Variants in MACF1 observed in about 807,000 individuals in gnomAD.
MACF1 encodes the protein microtubule-actin cross-linking factor 1.
Under a neutral mutation model 854.8 loss-of-function variants are expected in MACF1, and 193 were observed. The observed-to-expected ratio is 0.23, with a 90% CI of 0.20 to 0.25. The LOEUF is 0.25. Among genes scored for constraint, MACF1 ranks in the 10% least tolerant of loss-of-function variants. MACF1 has a pLI of 1.00. For missense variants in MACF1, 7,722 were observed against 8,929.1 expected (o/e 0.86, Z 5.45); for synonymous variants, 3,185 against 3,226.7 (o/e 0.99, Z 0.44).
intron 55 of MACF1, among the ~76,000 whole-genome samples, chr1:39,380,802 C>T (rs1026176832): frequency 4.6e-5 from 7 of 152,056 alleles, no homozygotes; most frequent in African/African-American, 1.7e-4. Context: ...GTCCTAGCTA[C>T]TGGGGAGGCT....
At position 39,205,156 on chromosome 1, in the gene MACF1, C is replaced by A. The variant is rs1328266051; in HGVS notation, c.109+25C>A. On this transcript the variant is annotated intron_variant, in intron 1 of 100. Coordinates refer to ENST00000564288, the MANE Select transcript of MACF1 (RefSeq NM_001394062.1). Reference sequence around the variant, plus strand: ...GGTAACTAACTGGTACCCAGTTATTCTTTAAATCTACTGTGGGGCTTTTGA... The same window carrying A: ...GGTAACTAACTGGTACCCAGTTATTATTTAAATCTACTGTGGGGCTTTTGA... 4 of 702,702 alleles carry A rather than the reference C, an allele frequency of 5.7e-6. No individual in the cohort carries two copies. The African/African-American group carries it at 7.0e-5, about 12-fold the overall frequency. 43.5% of individuals were successfully genotyped at this position (702,702 alleles called of 1,614,324 possible). A position where few individuals can be genotyped will look rare whatever the true frequency, so the allele number is the denominator to read the frequency against.
intron 49 of MACF1, among the ~76,000 whole-genome samples, chr1:39,363,346 T>A (rs1648370881): frequency 6.6e-6 from 1 of 152,214 alleles, no homozygotes; most frequent in South Asian, 2.1e-4. Context: ...CATCCCATTT[T>A]CACCCATCCC....
rs773763271 is a variant in MACF1 at position 39,176,109 on chromosome 1, C to CAAAAAAAAAAAAAAA, written c.221-55069_221-55055dup. ...TGGGCGACAGAGCGAGACTCCTTCTCAAAAAAAAAAAAAAAAAAGCCAGGT... is the reference window on the plus strand; with the variant it reads ...TGGGCGACAGAGCGAGACTCCTTCTCAAAAAAAAAAAAAAAAAAAAAAAAAAAAAAAAAGCCAGGT... On this transcript the variant is annotated intron_variant, in intron 2 of 93. Coordinates refer to the MACF1 transcript ENST00000361689. Among the ~76,000 whole-genome samples, 15 of 13,338 alleles carry CAAAAAAAAAAAAAAA rather than the reference C, an allele frequency of 1.1e-3. 1 individual carries two copies. Among genetic ancestry groups the CAAAAAAAAAAAAAAA allele is most frequent in the African/African-American group, 1.3e-3 (11 of 8,544 alleles). 8.8% of individuals were successfully genotyped at this position (13,338 alleles called of 152,430 possible). A position where few individuals can be genotyped will look rare whatever the true frequency, so the allele number is the denominator to read the frequency against.
chr1:39,254,597 GAGA>G (rs1167732357), intron 5 of MACF1: 2 of 478,166 alleles, frequency 4.2e-6, no homozygotes, highest in Non-Finnish European at 7.4e-6. Context: ...AATGTTCACG[GAGA>G]AGAACATGAT....
At chr1:39,300,438 A>G (rs1646015424) in intron 22 of MACF1, 76 bp downstream of exon 22, 18 of 1,384,266 alleles carry the variant, frequency 1.3e-5, no homozygotes, top group Non-Finnish European at 1.7e-5. Context: ...TAGGGTTATG[A>G]TGATAAAAGA....
At chr1:39,393,885 AGAAAGG>A (rs1227828846) in intron 58 of MACF1, among the ~76,000 whole-genome samples, 5 of 116,266 alleles carry the variant, frequency 4.3e-5, no homozygotes, top group African/African-American at 2.8e-4. Context: ...GAGAAAGAAA[AGAAAGG>A]AAGGAAGGAA....
chr1:39,470,486 A>AG (rs1557671335), intron 97 of MACF1, among the ~76,000 whole-genome samples: 1 of 152,158 alleles, frequency 6.6e-6, no homozygotes, highest in African/African-American at 2.4e-5. Flanking sequence ...ACAAAAAAAA[A>AG]TTTAAAAATT....
At chr1:39,241,498 A>G (rs1478618082) in intron 2 of MACF1, among the ~76,000 whole-genome samples, 5 of 152,020 alleles carry the variant, frequency 3.3e-5, no homozygotes, top group Admixed American at 3.3e-4. Flanking sequence ...CGTCTCTACT[A>G]AAAATACAAA....
In MACF1 at chr1:39,331,594, G is replaced by A. The variant is rs756885007; in HGVS notation, c.5006G>A (p.Cys1669Tyr). 3 of 1,614,194 alleles carry A rather than the reference G, an allele frequency of 1.9e-6. No homozygotes were observed. The East Asian group carries it at 6.7e-5, about 36-fold the overall frequency. The part of the protein sequence containing the change: ...GGFSLSPSEN[C>Y]INLEEAFHQG... Reference sequence around the variant, plus strand: ...TTCAGTCTTTCCCCTAGTGAGAACTGTATTAACCTGGAAGAGGCTTTTCAT... The same window carrying A: ...TTCAGTCTTTCCCCTAGTGAGAACTATATTAACCTGGAAGAGGCTTTTCAT... Residue 1669 changes from cysteine to tyrosine, a missense_variant, in exon 37 of 101, where the codon TGT (cysteine) becomes TAT (tyrosine). Around this residue, in one of 15 missense-constraint regions of MACF1, gnomAD observed 1,531 missense variants for 1,601.6 expected, o/e 0.96. Transcript: ENST00000564288.
rs747318300 is a variant in MACF1 at position 39,340,729 on chromosome 1, C to T, written c.10431+12C>T. 6 of 1,613,308 alleles carry T rather than the reference C, an allele frequency of 3.7e-6. No homozygotes were observed. In the African/African-American group the frequency reaches 4.0e-5, roughly 11 times the overall value. On this transcript the variant is annotated intron_variant, in intron 39 of 100. Transcript: ENST00000564288. ...TGGAAATAGAAAAGGTAGCATTTTG[C>T]TTTTATTCATAAAGGCTCACAAAGT...
At chr1:39,389,363 T>TG (rs1426943914) in intron 58 of MACF1, among the ~76,000 whole-genome samples, 1 of 136,592 alleles carries the variant, frequency 7.3e-6, no homozygotes, top group Admixed American at 7.3e-5. Flanking sequence ...TTTTTTTTTT[T>TG]TTTTTTTTTT....
At chr1:39,137,839 C>T (rs1048786137) in intron 2 of MACF1, among the ~76,000 whole-genome samples, 1 of 151,784 alleles carries the variant, frequency 6.6e-6, no homozygotes, top group African/African-American at 2.4e-5. Context: ...TTTGGGAAGC[C>T]GAGGCAGGTG....
chr1:39,185,335 T>C (rs148410567), intron 2 of MACF1, among the ~76,000 whole-genome samples: 7 of 150,278 alleles, frequency 4.7e-5, no homozygotes, highest in African/African-American at 1.7e-4. Flanking sequence ...GAAAAAGATA[T>C]ATCAGAAGAG....
Position 39,444,847 on chromosome 1 carries a change from G to C in MACF1, c.19605+12G>C, listed in dbSNP as rs201563248. The C allele has an allele frequency of 8.7e-5, 136 of 1,571,378 alleles. No individual in the cohort carries two copies. The highest frequency in any genetic ancestry group is 8.5e-4 in the Middle Eastern group (5 of 5,914). ...TGGAAGAAAGAAAGGTACAGTGTATGATCCCCATGTTTGAGTAATTTGCTG... is the reference window on the plus strand; with the variant it reads ...TGGAAGAAAGAAAGGTACAGTGTATCATCCCCATGTTTGAGTAATTTGCTG... On this transcript the variant is annotated intron_variant, in intron 80 of 100. Transcript: ENST00000564288.
chr1:39,093,220 T>G (rs1329247622), intron 2 of MACF1, among the ~76,000 whole-genome samples: 2 of 151,910 alleles, frequency 1.3e-5, no homozygotes, highest in African/African-American at 4.8e-5. Flanking sequence ...GTCCTCCAGT[T>G]CAATTACAAC....
At chr1:39,421,703 G>T (rs959597879) in intron 58 of MACF1, among the ~76,000 whole-genome samples, 3 of 152,152 alleles carry the variant, frequency 2.0e-5, no homozygotes, top group South Asian at 2.1e-4. Flanking sequence ...TCTCTTTTAG[G>T]ATTCATATAC....
intron 100 of MACF1, 146 bp from the exon 101 acceptor site, chr1:39,485,392 C>T: frequency 8.3e-6 from 8 of 964,462 alleles, no homozygotes; most frequent in Non-Finnish European, 1.2e-5. Flanking sequence ...GCTTCAGCAA[C>T]TTCTGTATGG....
rs569144164 is a variant in MACF1, at chr1:39,084,302, C to G, written c.84C>G (p.Ser28Arg). The change falls in exon 2 of 94, where the codon AGC becomes AGG. Residue 28 changes from serine (S) to arginine (R), a missense_variant. By Grantham distance (110) the Ser-to-Arg change is moderately radical (BLOSUM62 -1). Coordinates refer to the MACF1 transcript ENST00000361689. This position sits in a 1 kb window ranked among gnomAD's most constrained non-coding sequence, Gnocchi z 5.2. ...GTCGGAGTGAGCGATCTTACAGGAG[C>G]GAGCGGTCGGGGAGCCTGTCTCCCT... The G allele has an allele frequency of 6.2e-7, 1 of 1,613,470 alleles. No individual in the cohort carries two copies. The highest frequency in any genetic ancestry group is 1.3e-5 in the African/African-American group (1 of 74,862).
At chr1:39,243,987 G>A (rs941859191) in intron 2 of MACF1, among the ~76,000 whole-genome samples, 4 of 151,882 alleles carry the variant, frequency 2.6e-5, no homozygotes, top group African/African-American at 9.7e-5. Context: ...TTCAGAAACA[G>A]ACTGCTGTTT....
Sources: gnomAD v4.1 joint callset for allele counts (sites outside exome capture counted in the v4.1 genomes callset) on GRCh38, gnomAD v4.1.1 for gene constraint, gnomAD v4.1.1 regional missense constraint, Gnocchi (gnomAD v3.1) non-coding constraint, MANE v1.5 for transcripts, NCBI Gene and HGNC (gene_info 2026-07-23, HGNC 2026-07-21) for gene names.